EXOC6B: variants seen among roughly 807,000 people sequenced by gnomAD.
EXOC6B encodes the protein exocyst complex component 6B, also known as SEC15 homolog B.
A neutral mutation model predicts 113.5 loss-of-function variants in EXOC6B; 54 were observed. The observed-to-expected ratio is 0.48, with a 90% CI of 0.38 to 0.60. The LOEUF is 0.60. Among genes scored for constraint, EXOC6B ranks in the 20% least tolerant of loss-of-function variants. The pLI is 0.00. For missense variants in EXOC6B, 797 were observed against 977.5 expected (o/e 0.82, Z 2.46); for synonymous variants, 357 against 339.0 (o/e 1.05, Z -0.58).
chr2:72,561,672 G>T (rs1368225317), intron 7 of EXOC6B, among the ~76,000 whole-genome samples: 3 of 152,064 alleles, frequency 2.0e-5, no homozygotes, highest in Non-Finnish European at 2.9e-5. Context: ...AAGACGTTTT[G>T]TTACTAATGG....
chr2:72,184,231 C>A, intron 20 of EXOC6B, 44 bp from the exon 21 acceptor site: 1 of 968,596 alleles, frequency 1.0e-6, no homozygotes, highest in Non-Finnish European at 1.6e-6. Flanking sequence ...GTCAGACAGA[C>A]AAGACAAACC....
chr2:72,639,699 A>G (rs1036315403), intron 6 of EXOC6B, among the ~76,000 whole-genome samples: 2 of 152,226 alleles, frequency 1.3e-5, no homozygotes, highest in African/African-American at 4.8e-5. Flanking sequence ...GAAAAAAGTT[A>G]GAGCCCAATA....
At chr2:72,694,181 C>T (rs998761001) in intron 6 of EXOC6B, among the ~76,000 whole-genome samples, 1 of 152,172 alleles carries the variant, frequency 6.6e-6, no homozygotes, top group Admixed American at 6.5e-5. Flanking sequence ...GTAGCTCACA[C>T]TTGTAATCCC....
chr2:72,552,738 AT>A (rs764651291), intron 8 of EXOC6B, among the ~76,000 whole-genome samples: 1 of 152,072 alleles, frequency 6.6e-6, no homozygotes, highest in East Asian at 1.9e-4. Context: ...ATCAAAAAAA[AT>A]CTATCAATGA....
rs138396163 is a variant in EXOC6B at position 72,467,906 on chromosome 2, G to T, written c.1801-2567C>A. 2.4e-3 allele frequency among the ~76,000 whole-genome samples: 361 copies of T among 152,136 alleles called. 1 individual carries two copies. The highest frequency in any genetic ancestry group is 0.01 in the Middle Eastern group (3 of 294). On this transcript the variant is annotated intron_variant, in intron 17 of 21. Coordinates refer to ENST00000272427, the MANE Select transcript of EXOC6B (RefSeq NM_015189.3). ...CTGCCTCACCCTCCCGAGTAGCTGG[G>T]ATTACAGGTGTGTGCCACTATGCCT...
At chr2:72,304,225 T>C (rs1313302082) in intron 20 of EXOC6B, among the ~76,000 whole-genome samples, 1 of 152,232 alleles carries the variant, frequency 6.6e-6, no homozygotes, top group African/African-American at 2.4e-5. Context: ...TTAATGGATA[T>C]TTAAATTTAT....
At chr2:72,778,390 G>A (rs757735180) in intron 1 of EXOC6B, among the ~76,000 whole-genome samples, 2 of 152,072 alleles carry the variant, frequency 1.3e-5, no homozygotes, top group Non-Finnish European at 1.5e-5. Context: ...AAAAATAGCT[G>A]CAAGAAAAAA....
At chr2:72,362,833 A>G (rs1174018971) in intron 19 of EXOC6B, among the ~76,000 whole-genome samples, 1 of 152,156 alleles carries the variant, frequency 6.6e-6, no homozygotes, top group Non-Finnish European at 1.5e-5. Context: ...GGTATTTTGC[A>G]TAGAGTAGGG....
intron 8 of EXOC6B, among the ~76,000 whole-genome samples, chr2:72,529,688 C>G (rs989156518): frequency 2.0e-5 from 3 of 152,152 alleles, no homozygotes; most frequent in Admixed American, 2.0e-4. Context: ...GTCTCAAACT[C>G]CTGGGCTCAA....
chr2:72,768,601 G>A (rs1055198108), intron 1 of EXOC6B, among the ~76,000 whole-genome samples: 1 of 137,618 alleles, frequency 7.3e-6, no homozygotes, highest in Non-Finnish European at 1.6e-5. Flanking sequence ...CACTGTGCCC[G>A]GCCTAAGCTT....
At position 72,603,856 on chromosome 2, in the gene EXOC6B, G is replaced by A. The variant is rs181361892; in HGVS notation, c.670-28188C>T. ...AGGCCCTCTGCAAAAGATGTTTTTT[G>A]TTCCTGAAAGACCACAGAGATACTG... is the stretch of plus-strand genomic sequence containing the variant. On this transcript the variant is annotated intron_variant, in intron 6 of 21. Transcript: ENST00000272427. Among the ~76,000 whole-genome samples the A allele has an allele frequency of 1.3e-4, 20 of 152,050 alleles. No homozygotes were observed. The East Asian group carries it at 3.9e-3, about 29-fold the overall frequency.
intron 6 of EXOC6B, among the ~76,000 whole-genome samples, chr2:72,615,010 A>G (rs528479967): frequency 6.6e-6 from 1 of 152,260 alleles, no homozygotes; most frequent in East Asian, 1.9e-4. Flanking sequence ...CCAACTAGAG[A>G]GGAATGCAAG....
Position 72,825,751 on chromosome 2 carries a change from C to T in EXOC6B, c.113+47G>A, listed in dbSNP as rs1319669422. The T allele has an allele frequency of 1.3e-6, 2 of 1,578,918 alleles. No homozygotes were observed. Among genetic ancestry groups the T allele is most frequent in the Non-Finnish European group, 1.7e-6 (2 of 1,165,176 alleles). On this transcript the variant is annotated intron_variant, in intron 1 of 21. Transcript: ENST00000272427. This position sits in a 1 kb window ranked among gnomAD's most constrained non-coding sequence, Gnocchi z 4.4. ...GAGGCCCGACCCAGAGGAGCCTGCC[C>T]CGTCCCGCCCGTTCCCGCCCCTCTG...
At chr2:72,185,651 C>T (rs998056311) in intron 20 of EXOC6B, among the ~76,000 whole-genome samples, 8 of 152,162 alleles carry the variant, frequency 5.3e-5, no homozygotes. Flanking sequence ...AGGCTTCTAC[C>T]ACTTCCTTCT....
intron 2 of EXOC6B, among the ~76,000 whole-genome samples, chr2:72,739,891 T>C (rs1035510224): frequency 6.6e-6 from 1 of 152,178 alleles, no homozygotes; most frequent in Non-Finnish European, 1.5e-5. Context: ...AAATTCTTTT[T>C]TAAAACCTTA....
chr2:72,431,621 A>AGT (rs1414118273), intron 18 of EXOC6B, among the ~76,000 whole-genome samples: 1 of 152,028 alleles, frequency 6.6e-6, no homozygotes, highest in African/African-American at 2.4e-5. Context: ...AAATTACAGG[A>AGT]GTGAGCCACC....
chr2:72,234,636 G>A (rs1681841918), intron 20 of EXOC6B, among the ~76,000 whole-genome samples: 1 of 152,102 alleles, frequency 6.6e-6, no homozygotes, highest in African/African-American at 2.4e-5. Context: ...AACCTAGAAT[G>A]GGAGAGAATA....
chr2:72,323,857 AC>A (rs1687983383), intron 20 of EXOC6B, among the ~76,000 whole-genome samples: 1 of 152,000 alleles, frequency 6.6e-6, no homozygotes, highest in Non-Finnish European at 1.5e-5. Context: ...TAGGGGAGGG[AC>A]AGCATTAGGA....
At chr2:72,663,815 A>G (rs866342591) in intron 6 of EXOC6B, among the ~76,000 whole-genome samples, 1 of 152,212 alleles carries the variant, frequency 6.6e-6, no homozygotes, top group African/African-American at 2.4e-5. Context: ...AGAATATACA[A>G]TGCAAAAGGT....
Sources: gnomAD v4.1 joint callset for allele counts (sites outside exome capture counted in the v4.1 genomes callset) on GRCh38, gnomAD v4.1.1 for gene constraint, Gnocchi (gnomAD v3.1) non-coding constraint, MANE v1.5 for transcripts, NCBI Gene and HGNC (gene_info 2026-07-23, HGNC 2026-07-21) for gene names.